MITF: variants seen among roughly 807,000 people sequenced by gnomAD.
MITF encodes the protein microphthalmia-associated transcription factor.
In MITF, 17 loss-of-function variants were observed where a neutral mutation model predicts 60.5. That is an observed-to-expected ratio of 0.28 (90% CI 0.19 to 0.42). The LOEUF is 0.42. MITF is among the 10% of genes least tolerant of loss of function. MITF has a pLI of 1.00. For missense variants in MITF, 622 were observed against 683.5 expected (o/e 0.91, Z 1.00); for synonymous variants, 260 against 248.5 (o/e 1.05, Z -0.43).
At chr3:69,801,887 A>G (rs553641765) in intron 1 of MITF, among the ~76,000 whole-genome samples, 2 of 152,102 alleles carry the variant, frequency 1.3e-5, no homozygotes, top group Non-Finnish European at 2.9e-5. Flanking sequence ...GAGAACTGCA[A>G]TCTATATGAT....
intron 1 of MITF, among the ~76,000 whole-genome samples, chr3:69,872,021 C>A (rs1286614037): frequency 6.6e-6 from 1 of 152,090 alleles, no homozygotes; most frequent in Non-Finnish European, 1.5e-5. Flanking sequence ...AGCAAGAATT[C>A]TAGAGTACAG....
Position 69,912,492 on chromosome 3 carries a change from C to A in MITF, c.355-25330C>A, listed in dbSNP as rs186922919. Among the ~76,000 whole-genome samples the A allele has an allele frequency of 2.0e-5, 3 of 152,260 alleles. No individual in the cohort carries two copies. In the East Asian group the frequency reaches 5.8e-4, roughly 29 times the overall value. Reference sequence around the variant, plus strand: ...AACCAAGGTGTTCATCAGAAACTTGCCATCACTGTATTTGCTTGCACATGT... The same window carrying A: ...AACCAAGGTGTTCATCAGAAACTTGACATCACTGTATTTGCTTGCACATGT... On this transcript the variant is annotated intron_variant, in intron 2 of 9. Coordinates refer to ENST00000352241, the MANE Select transcript of MITF (RefSeq NM_001354604.2).
At chr3:69,806,593 C>G (rs2063012758) in intron 1 of MITF, among the ~76,000 whole-genome samples, 1 of 152,028 alleles carries the variant, frequency 6.6e-6, no homozygotes, top group Non-Finnish European at 1.5e-5. Context: ...TCCTTGAACT[C>G]CAGTACTAAG....
chr3:69,936,859 T>A (rs2065848156), intron 2 of MITF: 1 of 1,055,926 alleles, frequency 9.5e-7, no homozygotes, highest in Non-Finnish European at 1.4e-6. Context: ...TCAATAAGTA[T>A]AAATCTGCTC....
chr3:69,911,076 G>C (rs886265188), intron 2 of MITF, among the ~76,000 whole-genome samples: 1 of 151,894 alleles, frequency 6.6e-6, no homozygotes, highest in East Asian at 1.9e-4. Flanking sequence ...AATCATGGGG[G>C]GCCAGTCTTT....
chr3:69,754,158 T>A (rs1704040576), intron 1 of MITF, among the ~76,000 whole-genome samples: 1 of 152,054 alleles, frequency 6.6e-6, no homozygotes, highest in Non-Finnish European at 1.5e-5. Context: ...CACTTAGTGC[T>A]GTTCTTGTGA....
At chr3:69,958,117 A>C (rs958396374) in intron 8 of MITF, among the ~76,000 whole-genome samples, 3 of 152,234 alleles carry the variant, frequency 2.0e-5, no homozygotes, top group Non-Finnish European at 4.4e-5. Flanking sequence ...TGGATCTCAC[A>C]AGGAAGCAAA....
chr3:69,748,484 A>G (rs1418824630), intron 1 of MITF, among the ~76,000 whole-genome samples: 1 of 152,118 alleles, frequency 6.6e-6, no homozygotes. Context: ...CATGTGATCC[A>G]CCTGCCTTGG....
At chr3:69,806,592 T>A (rs893238950) in intron 1 of MITF, among the ~76,000 whole-genome samples, 1 of 152,096 alleles carries the variant, frequency 6.6e-6, no homozygotes, top group Admixed American at 6.6e-5. Flanking sequence ...GTCCTTGAAC[T>A]CCAGTACTAA....
chr3:69,743,247 A>G (rs1055378798), intron 1 of MITF, among the ~76,000 whole-genome samples: 1 of 152,222 alleles, frequency 6.6e-6, no homozygotes, highest in African/African-American at 2.4e-5. Context: ...GTGGTAGGCA[A>G]AGTACCCTCA....
At chr3:69,866,378 G>T in intron 1 of MITF, 1 of 1,612,974 alleles carries the variant, frequency 6.2e-7, no homozygotes, top group Admixed American at 1.7e-5. Context: ...AAATAATCCC[G>T]GGACCACTTA....
intron 1 of MITF, among the ~76,000 whole-genome samples, chr3:69,865,227 G>A (rs1051772788): frequency 8.5e-5 from 13 of 152,202 alleles, no homozygotes; most frequent in African/African-American, 3.1e-4. Context: ...ATTTGAGTTT[G>A]ATTATGGCTG....
At chr3:69,956,192 G>A (rs1396180271) in intron 7 of MITF, among the ~76,000 whole-genome samples, 1 of 152,116 alleles carries the variant, frequency 6.6e-6, no homozygotes, top group Non-Finnish European at 1.5e-5. Context: ...TTCATTATTT[G>A]TAACTAAGGA....
At chr3:69,947,284 C>T (rs1334803534) in intron 5 of MITF, among the ~76,000 whole-genome samples, 2 of 152,094 alleles carry the variant, frequency 1.3e-5, no homozygotes, top group Admixed American at 1.3e-4. Flanking sequence ...CCAAAATTCT[C>T]AAAAGATAGG....
chr3:69,803,912 A>C (rs1008370639), intron 1 of MITF, among the ~76,000 whole-genome samples: 1 of 151,984 alleles, frequency 6.6e-6, no homozygotes, highest in African/African-American at 2.4e-5. Flanking sequence ...CTTTTTTAGA[A>C]GTGTATAGTC....
At chr3:69,895,084 T>C (rs867952118) in intron 2 of MITF, among the ~76,000 whole-genome samples, 3 of 152,304 alleles carry the variant, frequency 2.0e-5, no homozygotes, top group Middle Eastern at 6.8e-3. Flanking sequence ...GTGAATTATC[T>C]CCTTTTTCCT....
chr3:69,747,756 G>T (rs9841604), intron 1 of MITF, among the ~76,000 whole-genome samples: 2,656 of 152,280 alleles, frequency 0.017, 60 homozygotes, highest in African/African-American at 0.061. Flanking sequence ...GGTCTTGTTA[G>T]TTTTGTTATC....
Position 69,949,187 on chromosome 3 carries a change from TG to T in MITF, c.880+20del. The T allele has an allele frequency of 1.3e-6, 2 of 1,519,686 alleles. No individual in the cohort carries two copies. Among genetic ancestry groups the T allele is most frequent in the Non-Finnish European group, 1.8e-6 (2 of 1,093,846 alleles). The allele number at this position is 1,519,686 out of a possible 1,614,324, so 94.1% of individuals were successfully genotyped here. The stretch of plus-strand genomic sequence containing the variant: ...CTCACAGGTAAACACCTAGTAAATG[TG>T]CCTCTTACTGCAGATTTCTGTCCAT... On this transcript the variant is annotated intron_variant, in intron 6 of 9. Coordinates refer to ENST00000352241, the MANE Select transcript of MITF (RefSeq NM_001354604.2).
intron 1 of MITF, among the ~76,000 whole-genome samples, chr3:69,852,021 C>T (rs1455708706): frequency 6.6e-6 from 1 of 151,868 alleles, no homozygotes; most frequent in Non-Finnish European, 1.5e-5. Context: ...TCTCTTTCGG[C>T]AAACATATAC....
Sources: gnomAD v4.1 joint callset for allele counts (sites outside exome capture counted in the v4.1 genomes callset) on GRCh38, gnomAD v4.1.1 for gene constraint, MANE v1.5 for transcripts, NCBI Gene and HGNC (gene_info 2026-07-23, HGNC 2026-07-21) for gene names.